Variants in TBCK observed in about 807,000 individuals in gnomAD.
TBCK encodes the protein TBC domain-containing protein kinase-like protein.
In TBCK, 99 loss-of-function variants were observed where a neutral mutation model predicts 113.4. The observed-to-expected ratio is 0.87, with a 90% CI of 0.74 to 1.03. TBCK has a LOEUF of 1.03. TBCK is among the 50% of genes least tolerant of loss of function. TBCK has a pLI of 0.00. For missense variants in TBCK, 1,045 were observed against 1,061.3 expected, an observed-to-expected ratio of 0.98 and a Z score of 0.21; for synonymous variants, 369 against 370.8, an observed-to-expected ratio of 1.00 and a Z score of 0.05.
intron 23 of TBCK, among the ~76,000 whole-genome samples, chr4:106,163,940 C>T (rs954470740): frequency 2.0e-5 from 3 of 152,056 alleles, no homozygotes; most frequent in African/African-American, 4.8e-5. Flanking sequence ...TTTTGATATC[C>T]TATCCCCAAA....
chr4:106,104,456 C>T (rs887176891), intron 24 of TBCK, among the ~76,000 whole-genome samples: 1 of 152,228 alleles, frequency 6.6e-6, no homozygotes, highest in African/African-American at 2.4e-5. Context: ...AGATGCTCTA[C>T]CAAAATGTGG....
intron 2 of TBCK, among the ~76,000 whole-genome samples, chr4:106,299,839 A>G (rs1190092409): frequency 6.6e-6 from 1 of 152,248 alleles, no homozygotes; most frequent in African/African-American, 2.4e-5. Context: ...TGAACTTTAA[A>G]GAGTAGAATA....
At chr4:106,306,036 T>C (rs1767481640) in intron 2 of TBCK, among the ~76,000 whole-genome samples, 1 of 152,048 alleles carries the variant, frequency 6.6e-6, no homozygotes, top group Non-Finnish European at 1.5e-5. Flanking sequence ...ACAAACTTGT[T>C]TTCACTTTAC....
chr4:106,209,756 G>A (rs1356081718), intron 20 of TBCK, among the ~76,000 whole-genome samples: 4 of 151,810 alleles, frequency 2.6e-5, no homozygotes, highest in African/African-American at 4.8e-5. Context: ...TATCACTAAT[G>A]TTGTTCTGGT....
intron 19 of TBCK, among the ~76,000 whole-genome samples, chr4:106,225,605 G>A (rs910408740): frequency 1.1e-4 from 16 of 152,102 alleles, no homozygotes; most frequent in Admixed American, 2.6e-4. Context: ...GATTACAGGC[G>A]CCTGCCACCA....
chr4:106,088,520 T>C (rs1261127413), intron 25 of TBCK, among the ~76,000 whole-genome samples: 2 of 152,176 alleles, frequency 1.3e-5, no homozygotes, highest in East Asian at 3.8e-4. Flanking sequence ...AGTTCAACCA[T>C]TGTAGAAGAC....
chr4:106,246,393 T>C (rs1034314960), intron 10 of TBCK, among the ~76,000 whole-genome samples: 20 of 152,138 alleles, frequency 1.3e-4, no homozygotes, highest in Admixed American at 1.2e-3. Flanking sequence ...AAACCTTACA[T>C]TCCAAGAGTC....
At chr4:106,139,358 T>A (rs1746925795) in intron 23 of TBCK, among the ~76,000 whole-genome samples, 1 of 141,954 alleles carries the variant, frequency 7.0e-6, no homozygotes, top group African/African-American at 2.5e-5. Context: ...TCAGCTAATA[T>A]CATGCATCAG....
intron 3 of TBCK, among the ~76,000 whole-genome samples, chr4:106,270,972 C>T (rs72893626): frequency 0.011 from 1,668 of 152,254 alleles, 27 homozygotes; most frequent in African/African-American, 0.038. Flanking sequence ...TTAACTACTT[C>T]TACTAGACTC....
At chr4:106,159,611 T>C (rs1001046090) in intron 23 of TBCK, among the ~76,000 whole-genome samples, 2 of 151,888 alleles carry the variant, frequency 1.3e-5, no homozygotes, top group African/African-American at 4.8e-5. Context: ...AACAAAAGAA[T>C]GCTGAAAGAA....
intron 23 of TBCK, among the ~76,000 whole-genome samples, chr4:106,121,451 A>T (rs1380825571): frequency 1.4e-5 from 2 of 147,392 alleles, no homozygotes; most frequent in African/African-American, 5.1e-5. Flanking sequence ...CACTGTCAAC[A>T]TTAGACAGAT....
intron 23 of TBCK, among the ~76,000 whole-genome samples, chr4:106,127,206 CAAAAAAA>C (rs35461999): frequency 1.5e-5 from 1 of 65,504 alleles, no homozygotes; most frequent in Non-Finnish European, 3.1e-5. Context: ...GACTCCGTCT[CAAAAAAA>C]AAAAAAAAAA....
chr4:106,061,255 T>A (rs1179194878), intron 25 of TBCK, among the ~76,000 whole-genome samples: 1 of 151,736 alleles, frequency 6.6e-6, no homozygotes, highest in Non-Finnish European at 1.5e-5. Context: ...AAGAGTCAAT[T>A]GATACGGCAA....
At position 106,065,749 on chromosome 4, in the gene TBCK, T is replaced by G. The variant is rs1578790848; in HGVS notation, c.2572-19069A>C. The stretch of plus-strand genomic sequence containing the variant: ...ACTTGATTATACTATACACTATAGC[T>G]CATTGCTTTATTTAACCTTTAAGAT... On this transcript the variant is annotated intron_variant, in intron 25 of 25. Transcript: ENST00000394708. Among the ~76,000 whole-genome samples, 4 of 152,172 alleles carry G rather than the reference T, an allele frequency of 2.6e-5. No homozygotes were observed. In the East Asian group the frequency reaches 7.7e-4, roughly 29 times the overall value.
chr4:106,123,200 A>G (rs1198017424), intron 23 of TBCK, among the ~76,000 whole-genome samples: 8 of 152,210 alleles, frequency 5.3e-5, no homozygotes, highest in African/African-American at 9.6e-5. Flanking sequence ...AAATCAATGT[A>G]GAAAAATCAC....
chr4:106,154,334 A>C (rs915206767), intron 23 of TBCK, among the ~76,000 whole-genome samples: 3 of 152,180 alleles, frequency 2.0e-5, no homozygotes, highest in African/African-American at 7.2e-5. Flanking sequence ...AACAAGCAAA[A>C]AGAAAATTAA....
At chr4:106,131,482 G>T (rs998471747) in intron 23 of TBCK, among the ~76,000 whole-genome samples, 1 of 152,122 alleles carries the variant, frequency 6.6e-6, no homozygotes, top group Non-Finnish European at 1.5e-5. Context: ...GCATGGTGGC[G>T]CATGCCTGTA....
intron 25 of TBCK, 36 bp from the exon 26 acceptor site, chr4:106,046,716 T>C: frequency 3.7e-6 from 4 of 1,091,454 alleles, no homozygotes; most frequent in South Asian, 2.7e-5. Flanking sequence ...TTAGAGGATA[T>C]ACAGAAGACA....
At chr4:106,309,616 C>G (rs182455439) in intron 1 of TBCK, among the ~76,000 whole-genome samples, 27 of 152,104 alleles carry the variant, frequency 1.8e-4, no homozygotes, top group Non-Finnish European at 4.4e-5. Context: ...AGGCTCCTCT[C>G]TTTACCTAAA....
Sources: gnomAD v4.1 joint callset for allele counts (sites outside exome capture counted in the v4.1 genomes callset) on GRCh38, gnomAD v4.1.1 for gene constraint, MANE v1.5 for transcripts, NCBI Gene and HGNC (gene_info 2026-07-23, HGNC 2026-07-21) for gene names.